ENOX1: variants seen among roughly 807,000 people sequenced by gnomAD.
ENOX1 encodes candidate growth-related and time keeping constitutive hydroquinone (NADH) oxidase.
Under a neutral mutation model 82.5 loss-of-function variants are expected in ENOX1, and 42 were observed. That is an observed-to-expected ratio of 0.51 (90% CI 0.40 to 0.66). ENOX1 has a LOEUF of 0.66. Ranked by LOEUF, ENOX1 falls within the 30% of genes least tolerant of loss-of-function variation. The probability of loss-of-function intolerance (pLI) is 0.00; values close to 1 mark genes in which losing one functional copy is unlikely to be tolerated. For synonymous variants in ENOX1, 271 were observed against 282.2 expected (o/e 0.96, Z 0.40); for missense variants, 608 against 811.6 (o/e 0.75, Z 3.05).
At chr13:43,288,957 AC>A (rs36112296) in intron 12 of ENOX1, among the ~76,000 whole-genome samples, 1 of 152,184 alleles carries the variant, frequency 6.6e-6, no homozygotes, top group Non-Finnish European at 1.5e-5. Context: ...CAAGAATACA[AC>A]CCTACTTACA....
At chr13:43,689,096 G>A (rs899606931) in intron 1 of ENOX1, among the ~76,000 whole-genome samples, 8 of 152,178 alleles carry the variant, frequency 5.3e-5, no homozygotes, top group Non-Finnish European at 1.0e-4. Context: ...TCAGAGACAA[G>A]CATTTGTAGG....
chr13:43,553,401 C>T (rs997123416), intron 2 of ENOX1, among the ~76,000 whole-genome samples: 20 of 152,154 alleles, frequency 1.3e-4, no homozygotes, highest in African/African-American at 4.3e-4. Context: ...GGGCTTGACA[C>T]TTGGTTGCTC....
At chr13:43,470,447 A>G (rs1309417519) in intron 3 of ENOX1, among the ~76,000 whole-genome samples, 3 of 118,736 alleles carry the variant, frequency 2.5e-5, no homozygotes, top group Non-Finnish European at 3.7e-5. Flanking sequence ...TAGACAGGAT[A>G]CAGAAAATAA....
chr13:43,441,581 C>T (rs1003346945), intron 3 of ENOX1, among the ~76,000 whole-genome samples: 16 of 152,122 alleles, frequency 1.1e-4, no homozygotes, highest in African/African-American at 3.6e-4. Flanking sequence ...TGCTTCTAAA[C>T]AGATTTTAAT....
At chr13:43,760,462 C>T (rs980362702) in intron 1 of ENOX1, among the ~76,000 whole-genome samples, 33 of 152,132 alleles carry the variant, frequency 2.2e-4, no homozygotes, top group African/African-American at 5.8e-4. Flanking sequence ...CTGTCCCCTG[C>T]CATCTGTCCA....
In ENOX1 at chr13:43,484,278, C is replaced by T. The variant is rs2058611730; in HGVS notation, c.-218-126G>A. The T allele has an allele frequency of 2.4e-5, 11 of 460,220 alleles. No individual in the cohort carries two copies. The South Asian group carries it at 7.7e-4, about 32-fold the overall frequency. The allele number at this position is 460,220 out of a possible 1,614,324, so 28.5% of individuals were successfully genotyped here. A position where few individuals can be genotyped will look rare whatever the true frequency, so the allele number is the denominator to read the frequency against. The stretch of plus-strand genomic sequence containing the variant: ...TTAATTTCTATTATCAATTTTGTAC[C>T]CTAAATCATCTTATTCATCAATGGC... On this transcript the variant is annotated intron_variant, in intron 2 of 16. Coordinates refer to ENST00000690772, the MANE Select transcript of ENOX1 (RefSeq NM_001347969.2).
At position 43,258,174 on chromosome 13, in the gene ENOX1, G is replaced by A. The variant is rs146182472; in HGVS notation, c.1611+7224C>T. 1.8e-3 allele frequency among the ~76,000 whole-genome samples: 269 copies of A among 152,280 alleles called. 1 individual carries two copies. Among genetic ancestry groups the A allele is most frequent in the African/African-American group, 6.3e-3 (261 of 41,568 alleles). On this transcript the variant is annotated intron_variant, in intron 14 of 16. Coordinates refer to ENST00000690772, the MANE Select transcript of ENOX1 (RefSeq NM_001347969.2). ...TTGACTGGATACAAGAACATTCACCGTGAGCCAGCTTCTGTCTGTTTTTGA... is the reference window on the plus strand; with the variant it reads ...TTGACTGGATACAAGAACATTCACCATGAGCCAGCTTCTGTCTGTTTTTGA...
intron 2 of ENOX1, among the ~76,000 whole-genome samples, chr13:43,568,688 G>GTTTTTT (rs5803188): frequency 6.8e-6 from 1 of 147,560 alleles, no homozygotes; most frequent in Non-Finnish European, 1.5e-5. Flanking sequence ...CAACTCCAGA[G>GTTTTTT]TTTTTTTTTT....
intron 1 of ENOX1, among the ~76,000 whole-genome samples, chr13:43,700,152 G>A (rs554154060): frequency 3.3e-5 from 5 of 152,122 alleles, no homozygotes; most frequent in Admixed American, 6.6e-5. Context: ...ATTCATAAAC[G>A]AGTTTGAGTT....
At chr13:43,502,089 T>C (rs984548066) in intron 2 of ENOX1, among the ~76,000 whole-genome samples, 4 of 151,696 alleles carry the variant, frequency 2.6e-5, no homozygotes, top group South Asian at 2.1e-4. Context: ...AACTATTATA[T>C]GTGACAATAT....
intron 2 of ENOX1, among the ~76,000 whole-genome samples, chr13:43,484,980 C>T (rs999039299): frequency 5.3e-5 from 8 of 152,350 alleles, no homozygotes; most frequent in East Asian, 1.9e-4. Flanking sequence ...AACTTCTCAT[C>T]TTCCTCTGGC....
chr13:43,542,882 C>T (rs892524508), intron 2 of ENOX1, among the ~76,000 whole-genome samples: 4 of 152,114 alleles, frequency 2.6e-5, no homozygotes, highest in Non-Finnish European at 2.9e-5. Flanking sequence ...GGTTCATAGA[C>T]GGCTGTCTCC....
intron 2 of ENOX1, among the ~76,000 whole-genome samples, chr13:43,658,767 TG>T (rs143924940): frequency 0.091 from 13,913 of 152,218 alleles, 710 homozygotes; most frequent in Middle Eastern, 0.15. Context: ...TACCATCACC[TG>T]TGAATTCTTT....
rs553293097 is a variant in ENOX1, at chr13:43,750,735, C to T, written c.-285+35917G>A. ...ATGTATATACATGTGTATGCAGCTA[C>T]ACAGTTGACACGTGGTGCATAATGT... On this transcript the variant is annotated intron_variant, in intron 1 of 16. Transcript: ENST00000690772. Among the ~76,000 whole-genome samples the T allele has an allele frequency of 2.0e-5, 3 of 152,284 alleles. No homozygotes were observed. The East Asian group carries it at 5.8e-4, about 29-fold the overall frequency.
chr13:43,495,551 T>C (rs112259936), intron 2 of ENOX1, among the ~76,000 whole-genome samples: 41 of 152,098 alleles, frequency 2.7e-4, no homozygotes, highest in African/African-American at 9.6e-4. Flanking sequence ...ACATATAATA[T>C]TACATTATAT....
intron 12 of ENOX1, among the ~76,000 whole-genome samples, chr13:43,272,267 C>G (rs980285379): frequency 6.6e-6 from 1 of 152,168 alleles, no homozygotes; most frequent in Non-Finnish European, 1.5e-5. Context: ...CAGATTACCC[C>G]AATTCTTCCC....
At chr13:43,302,664 T>C (rs7333975) in intron 11 of ENOX1, among the ~76,000 whole-genome samples, 13,703 of 152,304 alleles carry the variant, frequency 0.09, 729 homozygotes, top group Middle Eastern at 0.14. Context: ...CATCTTGTTA[T>C]ATTCTTTACT....
At chr13:43,216,089 A>C (rs569212829) in intron 16 of ENOX1, among the ~76,000 whole-genome samples, 97 of 152,224 alleles carry the variant, frequency 6.4e-4, no homozygotes, top group African/African-American at 2.3e-3. Context: ...CCAGCTACTC[A>C]GGAGGCCAAG....
chr13:43,634,597 A>G (rs1187153628), intron 2 of ENOX1, among the ~76,000 whole-genome samples: 1 of 152,210 alleles, frequency 6.6e-6, no homozygotes, highest in Non-Finnish European at 1.5e-5. Flanking sequence ...CTGCTACAGA[A>G]ATCCAGTGTT....
Sources: allele counts gnomAD v4.1 joint callset (sites outside exome capture counted in the v4.1 genomes callset), GRCh38; gene constraint gnomAD v4.1.1; transcripts MANE v1.5; gene names NCBI Gene and HGNC (gene_info 2026-07-23, HGNC 2026-07-21).